The following PDE4D variants were observed in gnomAD, a reference collection of about 807,000 sequenced individuals.
PDE4D encodes the protein 3',5'-cyclic-AMP phosphodiesterase 4D.
PDE4D carries 24 observed loss-of-function variants against 87.4 expected under a neutral mutation model. That is an observed-to-expected ratio of 0.27 (90% CI 0.20 to 0.39). The LOEUF (loss-of-function observed/expected upper bound fraction) is 0.39, where lower values mean the gene tolerates loss of function less well. PDE4D is among the 10% of genes least tolerant of loss of function. The probability of loss-of-function intolerance (pLI) is 1.00; values close to 1 mark genes in which losing one functional copy is unlikely to be tolerated. For synonymous variants in PDE4D, 384 were observed against 383.2 expected, an observed-to-expected ratio of 1.00 and a Z score of -0.02; for missense variants, 714 against 1,041.0, an observed-to-expected ratio of 0.69 and a Z score of 4.32.
At chr5:60,279,002 C>G (rs1363512068) in intron 1 of PDE4D, among the ~76,000 whole-genome samples, 1 of 151,938 alleles carries the variant, frequency 6.6e-6, no homozygotes, top group East Asian at 1.9e-4. Flanking sequence ...TAAGAGATGC[C>G]ATTTCTTATT....
chr5:59,436,588 G>C (rs1157325871), intron 1 of PDE4D, among the ~76,000 whole-genome samples: 2 of 152,106 alleles, frequency 1.3e-5, no homozygotes, highest in East Asian at 1.9e-4. Flanking sequence ...CGAAGTTAAA[G>C]AACATAAAAT....
intron 2 of PDE4D, among the ~76,000 whole-genome samples, chr5:60,130,806 A>T (rs2149397209): frequency 1.3e-5 from 2 of 152,296 alleles, no homozygotes; most frequent in South Asian, 4.1e-4. Context: ...GATGTAAAAG[A>T]TATGTCTGTG....
At chr5:59,093,916 A>G (rs1277480932) in intron 5 of PDE4D, among the ~76,000 whole-genome samples, 1 of 152,106 alleles carries the variant, frequency 6.6e-6, no homozygotes, top group Non-Finnish European at 1.5e-5. Flanking sequence ...AAGAACATAT[A>G]CCATTAAAAA....
intron 1 of PDE4D, among the ~76,000 whole-genome samples, chr5:59,807,066 A>G (rs1561692872): frequency 6.6e-6 from 1 of 152,188 alleles, no homozygotes; most frequent in East Asian, 1.9e-4. Flanking sequence ...AGTGATAATG[A>G]CCTAGTAGCA....
At chr5:60,000,274 A>G (rs1046805614) in intron 2 of PDE4D, among the ~76,000 whole-genome samples, 3 of 152,164 alleles carry the variant, frequency 2.0e-5, no homozygotes, top group African/African-American at 7.2e-5. Context: ...CCAACATACC[A>G]ACATAAATTA....
At chr5:59,522,647 C>A (rs148837483) in intron 1 of PDE4D, among the ~76,000 whole-genome samples, 1 of 152,118 alleles carries the variant, frequency 6.6e-6, no homozygotes, top group Non-Finnish European at 1.5e-5. Context: ...TATTAAATTG[C>A]GAATTCTGGG....
intron 3 of PDE4D, among the ~76,000 whole-genome samples, chr5:59,967,651 A>G (rs570254114): frequency 2.0e-5 from 3 of 152,336 alleles, no homozygotes; most frequent in East Asian, 3.9e-4. Context: ...ATTGGTGGGA[A>G]TGTAAATTAG....
intron 1 of PDE4D, among the ~76,000 whole-genome samples, chr5:59,597,820 G>T (rs1019736601): frequency 3.3e-5 from 5 of 152,044 alleles, no homozygotes; most frequent in African/African-American, 1.2e-4. Flanking sequence ...AATACTAGTT[G>T]CCCATTGTGG....
At chr5:59,055,253 T>C (rs1238440803) in intron 5 of PDE4D, among the ~76,000 whole-genome samples, 1 of 152,074 alleles carries the variant, frequency 6.6e-6, no homozygotes, top group Non-Finnish European at 1.5e-5. Context: ...TTCCTAGATC[T>C]TTCCTCCCTT....
intron 1 of PDE4D, among the ~76,000 whole-genome samples, chr5:59,879,043 T>C (rs1749049827): frequency 1.3e-5 from 2 of 151,720 alleles, no homozygotes; most frequent in East Asian, 1.9e-4. Flanking sequence ...GGATTACAGG[T>C]GCCTGCCACC....
chr5:60,255,239 G>A (rs923498677), intron 1 of PDE4D, among the ~76,000 whole-genome samples: 6 of 151,860 alleles, frequency 4.0e-5, no homozygotes, highest in Admixed American at 6.6e-5. Context: ...GTTTGTCAAA[G>A]GACAGACATC....
intron 3 of PDE4D, among the ~76,000 whole-genome samples, chr5:59,983,354 G>T (rs1762112586): frequency 6.6e-6 from 1 of 151,974 alleles, no homozygotes; most frequent in Non-Finnish European, 1.5e-5. Context: ...TCCTCTCCCT[G>T]CTGCACACTT....
At chr5:59,946,043 A>C (rs1757692398) in intron 3 of PDE4D, among the ~76,000 whole-genome samples, 1 of 152,208 alleles carries the variant, frequency 6.6e-6, no homozygotes, top group South Asian at 2.1e-4. Flanking sequence ...TCAAGTGAAA[A>C]TGATGAACAG....
chr5:60,349,308 A>G (rs1758992213), intron 1 of PDE4D, among the ~76,000 whole-genome samples: 1 of 152,186 alleles, frequency 6.6e-6, no homozygotes, highest in African/African-American at 2.4e-5. Context: ...TTATATTACT[A>G]TTGTTAATTA....
intron 11 of PDE4D, among the ~76,000 whole-genome samples, chr5:58,985,642 G>A (rs1398033850): frequency 6.6e-6 from 1 of 152,158 alleles, no homozygotes; most frequent in Non-Finnish European, 1.5e-5. Flanking sequence ...TCTTTATTAT[G>A]AGAAATATGG....
chr5:59,379,095 C>T (rs1785270594), intron 1 of PDE4D, among the ~76,000 whole-genome samples: 1 of 151,988 alleles, frequency 6.6e-6, no homozygotes, highest in South Asian at 2.1e-4. Flanking sequence ...GCCCTTGTTC[C>T]TTCCTGGTCT....
At chr5:59,777,435 T>A (rs1764189166) in intron 1 of PDE4D, among the ~76,000 whole-genome samples, 4 of 152,148 alleles carry the variant, frequency 2.6e-5, no homozygotes, top group Admixed American at 2.0e-4. Context: ...ATGGTACTGT[T>A]GGTAAGAAGA....
At chr5:59,417,793 T>G (rs1403524417) in intron 1 of PDE4D, among the ~76,000 whole-genome samples, 1 of 152,216 alleles carries the variant, frequency 6.6e-6, no homozygotes, top group African/African-American at 2.4e-5. Flanking sequence ...CATTCATATT[T>G]ATTGCTGAGG....
At chr5:59,190,706 C>A (rs1242480049) in intron 3 of PDE4D, among the ~76,000 whole-genome samples, 4 of 152,086 alleles carry the variant, frequency 2.6e-5, no homozygotes, top group African/African-American at 7.2e-5. Flanking sequence ...ATTGGGTCAG[C>A]AAAACATGCC....
Sources: gnomAD v4.1 joint callset for allele counts (sites outside exome capture counted in the v4.1 genomes callset) on GRCh38, gnomAD v4.1.1 for gene constraint, MANE v1.5 for transcripts, NCBI Gene and HGNC (gene_info 2026-07-23, HGNC 2026-07-21) for gene names.